The following AUH variants were observed in gnomAD, a reference collection of about 807,000 sequenced individuals.
AUH encodes methylglutaconyl-CoA hydratase, mitochondrial.
Under a neutral mutation model 42.3 loss-of-function variants are expected in AUH, and 29 were observed. The observed-to-expected ratio is 0.69, with a 90% CI of 0.51 to 0.93. AUH has a LOEUF of 0.93. Ranked by LOEUF, AUH falls within the 40% of genes least tolerant of loss-of-function variation. The pLI is 0.00. For missense variants in AUH, 452 were observed against 438.1 expected (o/e 1.03, Z -0.28); for synonymous variants, 174 against 166.4 (o/e 1.05, Z -0.35).
At chr9:91,322,949 C>T (rs1829695383) in intron 4 of AUH, among the ~76,000 whole-genome samples, 2 of 152,078 alleles carry the variant, frequency 1.3e-5, no homozygotes, top group South Asian at 4.1e-4. Context: ...CAATTATAAT[C>T]CCGATGCATA....
intron 7 of AUH, among the ~76,000 whole-genome samples, chr9:91,217,718 G>A (rs1415074635): frequency 6.6e-6 from 1 of 152,190 alleles, no homozygotes; most frequent in African/African-American, 2.4e-5. Context: ...CTGGGGATGA[G>A]GCTGTTGCTA....
chr9:91,259,254 G>C (rs73651408), intron 6 of AUH, among the ~76,000 whole-genome samples: 1 of 152,110 alleles, frequency 6.6e-6, no homozygotes, highest in Admixed American at 6.6e-5. Context: ...ATTGTGTCTT[G>C]CAAGTTGGTG....
chr9:91,313,569 G>A (rs930141429), intron 4 of AUH, among the ~76,000 whole-genome samples: 1 of 151,776 alleles, frequency 6.6e-6, no homozygotes, highest in African/African-American at 2.4e-5. Flanking sequence ...GCCGGGCGCG[G>A]TGGCGGGCGC....
intron 6 of AUH, among the ~76,000 whole-genome samples, chr9:91,251,439 T>A (rs1829121449): frequency 6.6e-6 from 1 of 152,158 alleles, no homozygotes; most frequent in Non-Finnish European, 1.5e-5. Flanking sequence ...TCATAGGAGA[T>A]TTACTCATGA....
chr9:91,349,091 C>A (rs1326216475), intron 3 of AUH, among the ~76,000 whole-genome samples: 2 of 152,270 alleles, frequency 1.3e-5, no homozygotes, highest in Admixed American at 6.5e-5. Context: ...GATTCTGAAA[C>A]AACAACGGCC....
rs1403893158 is a variant in AUH at position 91,298,907 on chromosome 9, A to G, written c.506-831T>C. 2.0e-5 allele frequency among the ~76,000 whole-genome samples: 3 copies of G among 152,324 alleles called. No individual in the cohort carries two copies. In the South Asian group the frequency reaches 6.2e-4, roughly 32 times the overall value. On this transcript the variant is annotated intron_variant, in intron 4 of 9. Transcript: ENST00000375731. ...CAAGGCTGGCCAATGTTAATATATAACAGAAAGTGGATTTTAAAAAGGTAA... is the reference window on the plus strand; with the variant it reads ...CAAGGCTGGCCAATGTTAATATATAGCAGAAAGTGGATTTTAAAAAGGTAA...
intron 6 of AUH, 33 bp downstream of exon 6, chr9:91,295,988 A>G: frequency 6.2e-7 from 1 of 1,611,562 alleles, no homozygotes; most frequent in Non-Finnish European, 8.5e-7. Flanking sequence ...GACCAAATCA[A>G]GGATTTGAGG....
In AUH at chr9:91,361,833, G is replaced by A. The variant is rs1434796256; in HGVS notation, c.57C>T (p.Gly19=). The change falls in exon 1 of 10, where the codon GGC becomes GGT. Residue 19 remains glycine, a synonymous_variant. Transcript: ENST00000375731. ...CACTGCAAGCGGCCACCAGGCGGGCGCCGCCAGCATGCAGGGATCCCAAGG... is the reference window on the plus strand; with the variant it reads ...CACTGCAAGCGGCCACCAGGCGGGCACCGCCAGCATGCAGGGATCCCAAGG... ...PGALGSLHAG[G]ARLVAACSAW... is the part of the protein sequence containing the mutation. The A allele has an allele frequency of 2.0e-6, 3 of 1,501,708 alleles. No homozygotes were observed. The highest frequency in any genetic ancestry group is 1.5e-5 in the African/African-American group (1 of 68,878). 93.0% of individuals were successfully genotyped at this position (1,501,708 alleles called of 1,614,324 possible).
intron 6 of AUH, among the ~76,000 whole-genome samples, chr9:91,289,925 T>C (rs2131611674): frequency 6.6e-6 from 1 of 152,262 alleles, no homozygotes; most frequent in East Asian, 1.9e-4. Context: ...ACTGTAATAT[T>C]AATTTAAAAG....
At chr9:91,348,615 C>T (rs1336608393) in intron 3 of AUH, among the ~76,000 whole-genome samples, 1 of 152,062 alleles carries the variant, frequency 6.6e-6, no homozygotes, top group African/African-American at 2.4e-5. Context: ...ATGGATGAAG[C>T]TCAAACCATT....
intron 3 of AUH, among the ~76,000 whole-genome samples, chr9:91,343,878 C>T (rs1831289459): frequency 6.6e-6 from 1 of 152,116 alleles, no homozygotes; most frequent in African/African-American, 2.4e-5. Flanking sequence ...TTAAAAGACA[C>T]AAATTACCAA....
At chr9:91,295,833 T>C (rs1423350521) in intron 6 of AUH, among the ~76,000 whole-genome samples, 188 bp downstream of exon 6, 1 of 152,202 alleles carries the variant, frequency 6.6e-6, no homozygotes, top group East Asian at 1.9e-4. Context: ...GCAGTATTTG[T>C]TTCATTGCGG....
intron 6 of AUH, among the ~76,000 whole-genome samples, chr9:91,258,571 A>G (rs1337629878): frequency 6.6e-6 from 1 of 152,134 alleles, no homozygotes; most frequent in Non-Finnish European, 1.5e-5. Context: ...CACTTATTGC[A>G]CTGGCAAAAA....
intron 4 of AUH, among the ~76,000 whole-genome samples, chr9:91,311,059 C>G (rs1448980106): frequency 1.3e-5 from 2 of 152,064 alleles, no homozygotes; most frequent in Non-Finnish European, 2.9e-5. Flanking sequence ...GAGGTTTATA[C>G]CATAAAACTT....
chr9:91,222,527 G>A (rs982801414), intron 6 of AUH, among the ~76,000 whole-genome samples: 2 of 152,192 alleles, frequency 1.3e-5, no homozygotes, highest in African/African-American at 2.4e-5. Flanking sequence ...GTGTTTACTC[G>A]ATACGGCAGA....
intron 6 of AUH, among the ~76,000 whole-genome samples, chr9:91,237,049 A>T (rs928818805): frequency 3.9e-5 from 6 of 152,222 alleles, no homozygotes; most frequent in Admixed American, 6.5e-5. Context: ...TTTAGGGGAT[A>T]CGTGTATGTG....
intron 6 of AUH, among the ~76,000 whole-genome samples, chr9:91,259,020 A>T (rs1430686140): frequency 1.3e-5 from 2 of 152,158 alleles, no homozygotes; most frequent in Admixed American, 1.3e-4. Context: ...GTAGGAAGGT[A>T]ATGCTGGCCT....
intron 6 of AUH, among the ~76,000 whole-genome samples, chr9:91,251,764 A>G (rs1353598678): frequency 6.6e-6 from 1 of 152,198 alleles, no homozygotes; most frequent in Non-Finnish European, 1.5e-5. Context: ...TCAAGCAAAG[A>G]ATAATTCACG....
At chr9:91,333,054 GGTTT>G (rs1182087560) in intron 3 of AUH, among the ~76,000 whole-genome samples, 1 of 152,196 alleles carries the variant, frequency 6.6e-6, no homozygotes, top group Non-Finnish European at 1.5e-5. Context: ...CCAAAGGGCT[GGTTT>G]GTTTAACCTT....
Sources: allele counts gnomAD v4.1 joint callset (sites outside exome capture counted in the v4.1 genomes callset), GRCh38; gene constraint gnomAD v4.1.1; transcripts MANE v1.5; gene names NCBI Gene and HGNC (gene_info 2026-07-23, HGNC 2026-07-21).